Variants in TRA2A observed in about 807,000 individuals in gnomAD.
TRA2A encodes the protein transformer 2 alpha homolog.
In TRA2A, 31 loss-of-function variants were observed where a neutral mutation model predicts 45.7. The ratio of observed to expected loss-of-function variants is 0.68; its 90% confidence interval spans 0.51 to 0.92. TRA2A has a LOEUF of 0.92. Among genes scored for constraint, TRA2A ranks in the 40% least tolerant of loss-of-function variants. TRA2A has a pLI of 0.00. For synonymous variants in TRA2A, 132 were observed against 126.2 expected (o/e 1.05, Z -0.31); for missense variants, 304 against 367.5 (o/e 0.83, Z 1.41).
At chr7:23,519,813 T>C (rs897034190) in intron 2 of TRA2A, among the ~76,000 whole-genome samples, 1 of 152,178 alleles carries the variant, frequency 6.6e-6, no homozygotes, top group African/African-American at 2.4e-5. Context: ...AGAGTTGATA[T>C]TTCCCATTTT....
Position 23,506,224 on chromosome 7 carries a change from T to C in TRA2A, c.684A>G (p.Gly228=). ...GGGGGGGGGG[G]GGGRRRDSYY... ...AAGAATCTCGACGTCTGCCACCACC[T>C]CCACCTCCACCGCCGCCGCCTCCTC... The change falls in exon 6 of 8, where the codon GGA becomes GGG. Residue 228 remains glycine, a synonymous_variant. Transcript: ENST00000297071. 6.2e-7 allele frequency: 1 copy of C among 1,610,726 alleles called. No individual in the cohort carries two copies. The highest frequency in any genetic ancestry group is 2.2e-5 in the East Asian group (1 of 44,854).
chr7:23,509,819 G>A (rs563389116), intron 4 of TRA2A, among the ~76,000 whole-genome samples: 1 of 151,976 alleles, frequency 6.6e-6, no homozygotes, highest in South Asian at 2.1e-4. Flanking sequence ...GAGGTCCAGA[G>A]TTTGAGGCTA....
intron 4 of TRA2A, among the ~76,000 whole-genome samples, chr7:23,508,347 G>A (rs567116493): frequency 6.0e-5 from 9 of 149,476 alleles, no homozygotes; most frequent in South Asian, 4.3e-4. Context: ...AGTTCACTGT[G>A]GCCTCAAACT....
chr7:23,524,284 A>G (rs1790253073), intron 1 of TRA2A, among the ~76,000 whole-genome samples: 1 of 152,052 alleles, frequency 6.6e-6, no homozygotes, highest in African/African-American at 2.4e-5. Flanking sequence ...CCTGGGTTCA[A>G]GTGATTCTCC....
chr7:23,523,399 T>C (rs939010957), intron 1 of TRA2A, among the ~76,000 whole-genome samples: 2 of 152,210 alleles, frequency 1.3e-5, no homozygotes, highest in Admixed American at 6.5e-5. Context: ...CAAAACAGGA[T>C]GGACAGCTTG....
rs145031550 is a variant in TRA2A, at chr7:23,507,868, C to T, written c.526-333G>A. ...TTCCAGTTCTGGTTCAATTCCCATT[C>T]CCCACTCCATGAGATCAACAGGGGA... On this transcript the variant is annotated intron_variant, in intron 4 of 7. Coordinates refer to ENST00000297071, the MANE Select transcript of TRA2A (RefSeq NM_013293.5). 5.5e-3 allele frequency among the ~76,000 whole-genome samples: 836 copies of T among 152,262 alleles called. 5 individuals are homozygous for T. The highest frequency in any genetic ancestry group is 6.1e-3 in the Non-Finnish European group (418 of 68,034).
intron 1 of TRA2A, among the ~76,000 whole-genome samples, chr7:23,528,418 G>C (rs1213602659): frequency 1.3e-5 from 2 of 152,068 alleles, no homozygotes; most frequent in African/African-American, 4.8e-5. Flanking sequence ...ATATTGGCCA[G>C]GATGGTCTCC....
At chr7:23,516,561 G>A in intron 2 of TRA2A, 33 bp from the exon 3 acceptor site, 23 of 1,602,340 alleles carry the variant, frequency 1.4e-5, no homozygotes, top group Non-Finnish European at 2.0e-5. Context: ...TAAAAATACT[G>A]AAACAAAATG....
intron 6 of TRA2A, 119 bp downstream of exon 6, chr7:23,506,019 G>C (rs1584103185): frequency 1.1e-6 from 1 of 918,926 alleles, no homozygotes; most frequent in East Asian, 2.4e-5. Context: ...TGCTCCCAAA[G>C]GCGTCATATA....
Position 23,505,313 on chromosome 7 carries a change from T to G in TRA2A, c.*246A>C. 2.6e-6 allele frequency: 1 copy of G among 390,594 alleles called. No homozygotes were observed. The highest frequency in any genetic ancestry group is 4.6e-6 in the Non-Finnish European group (1 of 219,616). The allele number at this position is 390,594 out of a possible 1,614,324, so 24.2% of individuals were successfully genotyped here. A position where few individuals can be genotyped will look rare whatever the true frequency, so the allele number is the denominator to read the frequency against. On this transcript the variant is annotated 3_prime_UTR_variant, in exon 8 of 8. Transcript: ENST00000297071. ...AAAAAAAAATTTACAAAGCATAACA[T>G]AACATTGGGGTTCTTTTTATACTCA...
Position 23,513,026 on chromosome 7 carries a change from T to C in TRA2A, c.393A>G (p.Thr131=). 1 of 1,614,056 alleles carries C rather than the reference T, an allele frequency of 6.2e-7. No homozygotes were observed. Among genetic ancestry groups the C allele is most frequent in the Non-Finnish European group, 8.5e-7 (1 of 1,179,952 alleles). The part of the protein sequence containing the change: ...LGVFGLSLYT[T]ERDLREVFSR... The stretch of plus-strand genomic sequence containing the variant: ...AAAATACTTCACGAAGATCCCTCTC[T>C]GTTGTGTACAAACTGAGGCCAAACA... Residue 131 remains threonine (T), a synonymous_variant, in exon 4 of 8, where the codon ACA becomes ACG. Transcript: ENST00000297071.
At chr7:23,512,555 T>G (rs1789673408) in intron 4 of TRA2A, among the ~76,000 whole-genome samples, 1 of 151,966 alleles carries the variant, frequency 6.6e-6, no homozygotes, top group East Asian at 1.9e-4. Context: ...GCCTCCCGGG[T>G]TCGCGCCATT....
chr7:23,507,122 ACTT>A (rs946422951), intron 5 of TRA2A: 1 of 300,750 alleles, frequency 3.3e-6, no homozygotes, highest in African/African-American at 2.6e-5. Context: ...CAAAACCCCT[ACTT>A]ATGTTTTTTT....
In TRA2A at chr7:23,521,118, G is replaced by A. The variant is rs145961144; in HGVS notation, c.170+589C>T. The stretch of plus-strand genomic sequence containing the variant: ...CTCCAAATCAGCTAAGGACTTTTCC[G>A]CCCAATTACATCTCACCAGAGCTCT... On this transcript the variant is annotated intron_variant, in intron 2 of 7. Transcript: ENST00000297071. Among the ~76,000 whole-genome samples, 85 of 152,178 alleles carry A rather than the reference G, an allele frequency of 5.6e-4. 1 individual carries two copies. The East Asian group carries it at 0.014, about 25-fold the overall frequency.
chr7:23,524,509 C>T, intron 1 of TRA2A, among the ~76,000 whole-genome samples: 1 of 151,694 alleles, frequency 6.6e-6, no homozygotes, highest in Admixed American at 6.6e-5. Context: ...TTAAAAGAAG[C>T]TTTGCTTTTT....
chr7:23,508,194 T>C (rs894488048), intron 4 of TRA2A, among the ~76,000 whole-genome samples: 10 of 145,158 alleles, frequency 6.9e-5, no homozygotes, highest in Admixed American at 6.4e-4. Context: ...AATAAAAGTA[T>C]AATAAACTAA....
intron 1 of TRA2A, 46 bp downstream of exon 1, chr7:23,531,743 G>T: frequency 6.2e-7 from 1 of 1,609,726 alleles, no homozygotes; most frequent in Non-Finnish European, 8.5e-7. Flanking sequence ...GTGAAACCCC[G>T]AGCATTGGGC....
intron 2 of TRA2A, among the ~76,000 whole-genome samples, chr7:23,517,501 A>G (rs868580316): frequency 4.1e-5 from 6 of 144,632 alleles, no homozygotes; most frequent in East Asian, 2.1e-4. Context: ...AAAAAAAAAA[A>G]AAAGAGAGAA....
In TRA2A at chr7:23,505,826, A is replaced by G. The variant is rs112547434; in HGVS notation, c.771-13T>C. ...AGGTGATCGTCTTCTGTAAGAAATG[A>G]AAGATTACTTAGCATACTATATAAT... On this transcript the variant is annotated splice_polypyrimidine_tract_variant and intron_variant, in intron 6 of 7. Coordinates refer to ENST00000297071, the MANE Select transcript of TRA2A (RefSeq NM_013293.5). The G allele has an allele frequency of 6.0e-6, 9 of 1,488,710 alleles. No homozygotes were observed. The highest frequency in any genetic ancestry group is 1.4e-5 in the African/African-American group (1 of 70,028). 92.2% of individuals were successfully genotyped at this position (1,488,710 alleles called of 1,614,324 possible).
Sources: gnomAD v4.1 joint callset for allele counts (sites outside exome capture counted in the v4.1 genomes callset) on GRCh38, gnomAD v4.1.1 for gene constraint, MANE v1.5 for transcripts, NCBI Gene and HGNC (gene_info 2026-07-23, HGNC 2026-07-21) for gene names.